Variants in CHM observed in about 807,000 individuals in gnomAD.
The protein encoded by CHM is CHM Rab escort protein.
A neutral mutation model predicts 49.0 loss-of-function variants in CHM; 10 were observed. The observed-to-expected ratio is 0.20, with a 90% CI of 0.13 to 0.35. The LOEUF is 0.35. CHM is among the 10% of genes least tolerant of loss of function. The pLI is 1.00. For synonymous variants in CHM, 184 were observed against 167.5 expected, an observed-to-expected ratio of 1.10 and a Z score of -0.76; for missense variants, 455 against 478.4, an observed-to-expected ratio of 0.95 and a Z score of 0.46.
chrX:85,913,025 A>G (rs1603248703), intron 8 of CHM, among the ~76,000 whole-genome samples: 2 of 58,312 alleles, frequency 3.4e-5, no homozygotes, highest in South Asian at 5.8e-4. Flanking sequence ...AAAAAAAAAA[A>G]AAAAAAAAAA....
At chrX:85,932,446 A>G (rs747277113) in intron 8 of CHM, among the ~76,000 whole-genome samples, 2 of 112,431 alleles carry the variant, frequency 1.8e-5, no homozygotes, top group Non-Finnish European at 3.8e-5. Flanking sequence ...AAATAAAGCA[A>G]TATTTCTTTT....
chrX:85,900,812 G>A, intron 10 of CHM, 103 bp from the exon 11 acceptor site: 3 of 647,265 alleles, frequency 4.6e-6, no homozygotes, highest in Non-Finnish European at 7.5e-6. Context: ...TTTAAGTCAG[G>A]ATAAAAGTGT....
intron 6 of CHM, 70 bp downstream of exon 6, chrX:85,958,791 C>T: frequency 1.7e-6 from 2 of 1,201,870 alleles, no homozygotes; most frequent in Non-Finnish European, 1.1e-6. Context: ...ATCTTATTTG[C>T]TTATCTTTCC....
At chrX:85,916,445 T>C (rs2148177663) in intron 8 of CHM, among the ~76,000 whole-genome samples, 1 of 111,814 alleles carries the variant, frequency 8.9e-6, no homozygotes, top group African/African-American at 3.3e-5. Flanking sequence ...AAAGCAAACA[T>C]TGAACAATGG....
chrX:86,027,205 T>C, intron 2 of CHM: 1 of 312,160 alleles, frequency 3.2e-6, no homozygotes, highest in East Asian at 6.6e-5. Context: ...CCAAGCCTCT[T>C]GGAGAATTAC....
At chrX:85,966,098 C>T (rs1196841965) in intron 4 of CHM, among the ~76,000 whole-genome samples, 1 of 110,961 alleles carries the variant, frequency 9.0e-6, no homozygotes, top group African/African-American at 3.3e-5. Flanking sequence ...ACCTGTAATC[C>T]CAGCACTGTG....
chrX:85,969,127 G>A (rs771924208), intron 4 of CHM: 6 of 689,151 alleles, frequency 8.7e-6, no homozygotes, highest in South Asian at 1.5e-4. Flanking sequence ...TTTTTGGTAT[G>A]AATACATTAG....
At chrX:85,970,376 A>G (rs896830548) in intron 4 of CHM, 2 of 747,698 alleles carry the variant, frequency 2.7e-6, no homozygotes, top group Admixed American at 8.8e-5. Flanking sequence ...AGTAAATTAA[A>G]GAAGTAAATG....
chrX:85,872,741 C>A (rs1223312833), intron 14 of CHM, among the ~76,000 whole-genome samples: 1 of 111,788 alleles, frequency 8.9e-6, no homozygotes, highest in Non-Finnish European at 1.9e-5. Flanking sequence ...AACAATGTTT[C>A]TTTAAAATAT....
chrX:86,020,779 G>A (rs186455938), intron 2 of CHM, among the ~76,000 whole-genome samples: 192 of 103,098 alleles, frequency 1.9e-3, no homozygotes, highest in Middle Eastern at 5.0e-3. Flanking sequence ...CACCTGTAGC[G>A]GCAGAAGCAG....
At position 85,911,326 on chromosome X, in the gene CHM, C is replaced by A. The variant is rs2148169007; in HGVS notation, c.1179G>T (p.Val393=). 3.9e-6 allele frequency: 4 copies of A among 1,038,321 alleles called. No individual in the cohort carries two copies. The highest frequency in any genetic ancestry group is 5.1e-6 in the Non-Finnish European group (4 of 783,123). The allele number at this position is 1,038,321 out of a possible 1,213,427, so 85.6% of individuals were successfully genotyped here. ...LPQCFCRMCA[V]FGGIYCLRHS... ...GGCGAAGACAATAAATTCCACCAAA[C>A]ACAGCACACATCCTAGAAAGAGAAC... is the stretch of plus-strand genomic sequence containing the variant. Residue 393 remains valine (V), a synonymous_variant, in exon 9 of 15, where the codon GTG becomes GTT. Transcript: ENST00000357749.
At position 86,017,148 on chromosome X, in the gene CHM, T is replaced by C. The variant is rs148912539; in HGVS notation, c.116+10343A>G. Among the ~76,000 whole-genome samples, 145 of 112,576 alleles carry C rather than the reference T, an allele frequency of 1.3e-3. 7 individuals carry two copies. The East Asian group carries it at 0.024, about 18-fold the overall frequency. On this transcript the variant is annotated intron_variant, in intron 2 of 14. Coordinates refer to ENST00000357749, the MANE Select transcript of CHM (RefSeq NM_000390.4). ...CTGTACCCCTATTGTATCTAGGAAG[T>C]AACTAGCTTGCTTTTGATTTTACAG...
intron 8 of CHM, among the ~76,000 whole-genome samples, chrX:85,915,207 G>C (rs1229044888): frequency 9.0e-6 from 1 of 111,231 alleles, no homozygotes; most frequent in Non-Finnish European, 1.9e-5. Flanking sequence ...CAATATCCTT[G>C]ATTATTTCAA....
intron 8 of CHM, among the ~76,000 whole-genome samples, chrX:85,918,797 C>T (rs754586911): frequency 1.8e-5 from 2 of 111,954 alleles, no homozygotes; most frequent in East Asian, 5.6e-4. Flanking sequence ...AAGGGCATTA[C>T]ATAATGATAA....
chrX:86,029,405 TACTC>T (rs901910524), intron 1 of CHM, among the ~76,000 whole-genome samples: 7 of 111,673 alleles, frequency 6.3e-5, no homozygotes, highest in African/African-American at 2.3e-4. Context: ...GGCAAAGAAA[TACTC>T]AGGAAGCAGA....
chrX:85,896,903 A>G (rs1053285009), intron 11 of CHM, among the ~76,000 whole-genome samples: 1 of 98,673 alleles, frequency 1.0e-5, no homozygotes, highest in East Asian at 3.0e-4. Context: ...TATATAATAC[A>G]TACTATATAT....
chrX:86,033,353 T>C (rs1401637870), intron 1 of CHM, among the ~76,000 whole-genome samples: 1 of 112,402 alleles, frequency 8.9e-6, no homozygotes, highest in Non-Finnish European at 1.9e-5. Context: ...TAAATCACTC[T>C]TTATTTTATA....
In CHM at chrX:85,873,218, T is replaced by A. The variant is rs1924198830; in HGVS notation, c.1610-6A>T. On this transcript the variant is annotated splice_polypyrimidine_tract_variant and splice_region_variant and intron_variant, in intron 13 of 14. Coordinates refer to ENST00000357749, the MANE Select transcript of CHM (RefSeq NM_000390.4). The stretch of plus-strand genomic sequence containing the variant: ...CTTTTCTACTTGTTCATTTTCTAAA[T>A]ATAGAAATAAATTTTATTTACATTC... The A allele has an allele frequency of 1.8e-6, 2 of 1,112,982 alleles. No individual in the cohort carries two copies. The highest frequency in any genetic ancestry group is 4.7e-5 in the Admixed American group (2 of 42,533). 91.7% of individuals were successfully genotyped at this position (1,112,982 alleles called of 1,213,427 possible).
chrX:86,028,495 A>G (rs1933927305), intron 1 of CHM, among the ~76,000 whole-genome samples: 1 of 111,997 alleles, frequency 8.9e-6, no homozygotes, highest in Non-Finnish European at 1.9e-5. Context: ...TAGCAGTATA[A>G]AAACAAAACA....
Sources: allele counts gnomAD v4.1 joint callset (sites outside exome capture counted in the v4.1 genomes callset), GRCh38; gene constraint gnomAD v4.1.1; transcripts MANE v1.5; gene names NCBI Gene and HGNC (gene_info 2026-07-23, HGNC 2026-07-21).